RABGAP1L: variants seen among roughly 807,000 people sequenced by gnomAD.
RABGAP1L encodes the protein rab GTPase-activating protein 1-like.
In RABGAP1L, 63 loss-of-function variants were observed where a neutral mutation model predicts 137.7. That is an observed-to-expected ratio of 0.46 (90% CI 0.37 to 0.56). RABGAP1L has a LOEUF of 0.56. RABGAP1L is among the 20% of genes least tolerant of loss of function. The probability of loss-of-function intolerance (pLI) is 0.00; values close to 1 mark genes in which losing one functional copy is unlikely to be tolerated. For synonymous variants in RABGAP1L, 431 were observed against 433.7 expected, an observed-to-expected ratio of 0.99 and a Z score of 0.08; for missense variants, 1,095 against 1,244.0, an observed-to-expected ratio of 0.88 and a Z score of 1.80.
intron 1 of RABGAP1L, among the ~76,000 whole-genome samples, chr1:174,168,022 T>C (rs1374145523): frequency 6.6e-6 from 1 of 152,108 alleles, no homozygotes; most frequent in Non-Finnish European, 1.5e-5. Context: ...CCCAGCACTT[T>C]AGGAGGCCAA....
intron 17 of RABGAP1L, among the ~76,000 whole-genome samples, chr1:174,729,250 A>G (rs1682258512): frequency 6.6e-6 from 1 of 152,190 alleles, no homozygotes; most frequent in Non-Finnish European, 1.5e-5. Flanking sequence ...TCAATAAATG[A>G]TGCTGGGATA....
chr1:174,517,265 AT>A (rs1231986219), intron 13 of RABGAP1L, among the ~76,000 whole-genome samples: 2 of 152,190 alleles, frequency 1.3e-5, no homozygotes, highest in East Asian at 3.8e-4. Context: ...GGAAGTATTT[AT>A]TTCATATGTT....
At position 174,549,983 on chromosome 1, in the gene RABGAP1L, G is replaced by GAGC. The variant is rs200009716; in HGVS notation, c.1711-87391_1711-87390insGCA. On this transcript the variant is annotated intron_variant, in intron 13 of 25. Coordinates refer to ENST00000681986, the MANE Select transcript of RABGAP1L (RefSeq NM_001366446.1). Reference sequence around the variant, plus strand: ...TGAGTTGAAGGCTGCAGTGCACTGTGATCATACTGTAAATAGCTACTACAC... The same window carrying GAGC: ...TGAGTTGAAGGCTGCAGTGCACTGTGAGCATCATACTGTAAATAGCTACTACAC... Among the ~76,000 whole-genome samples the GAGC allele has an allele frequency of 9.5e-3, 1,446 of 152,252 alleles. 24 individuals are homozygous for GAGC. The highest frequency in any genetic ancestry group is 0.033 in the African/African-American group (1,387 of 41,536).
At chr1:174,585,042 GACTT>G (rs1319699513) in intron 13 of RABGAP1L, among the ~76,000 whole-genome samples, 2 of 152,024 alleles carry the variant, frequency 1.3e-5, no homozygotes, top group African/African-American at 4.8e-5. Context: ...ATATTTGAAA[GACTT>G]AGTATTAAAA....
rs761128718 is a variant in RABGAP1L at position 174,829,378 on chromosome 1, G to A, written c.2340+17418G>A. 6.1e-5 allele frequency among the ~76,000 whole-genome samples: 9 copies of A among 148,070 alleles called. 1 individual carries two copies. Among genetic ancestry groups the A allele is most frequent in the Non-Finnish European group, 1.2e-4 (8 of 66,588 alleles). Reference sequence around the variant, plus strand: ...TCTGAATTTTGCTTTTAAGAGTGGTGTTTATTATACTGTGTAGCTTAGAGG... The same window carrying A: ...TCTGAATTTTGCTTTTAAGAGTGGTATTTATTATACTGTGTAGCTTAGAGG... On this transcript the variant is annotated intron_variant, in intron 19 of 25. Coordinates refer to ENST00000681986, the MANE Select transcript of RABGAP1L (RefSeq NM_001366446.1).
At chr1:174,727,224 G>A (rs1015943269) in intron 17 of RABGAP1L, among the ~76,000 whole-genome samples, 3 of 152,200 alleles carry the variant, frequency 2.0e-5, no homozygotes, top group Non-Finnish European at 4.4e-5. Context: ...TCCAGGTTCA[G>A]TGAGTTTCCC....
At chr1:174,580,028 C>A (rs1056933758) in intron 13 of RABGAP1L, among the ~76,000 whole-genome samples, 5 of 152,172 alleles carry the variant, frequency 3.3e-5, no homozygotes, top group Non-Finnish European at 7.3e-5. Flanking sequence ...TCCCAAAGTG[C>A]TGGGATTACA....
chr1:174,914,323 G>T (rs528573375), intron 19 of RABGAP1L, among the ~76,000 whole-genome samples: 112 of 152,250 alleles, frequency 7.4e-4, no homozygotes, highest in African/African-American at 2.2e-3. Flanking sequence ...CATCCCTTCC[G>T]TTTTAGGGGC....
At chr1:174,853,242 T>TTA (rs397951503) in intron 19 of RABGAP1L, among the ~76,000 whole-genome samples, 1 of 151,306 alleles carries the variant, frequency 6.6e-6, no homozygotes, top group African/African-American at 2.4e-5. Context: ...TTTTTTTTTT[T>TTA]AACATCCAGT....
chr1:174,610,105 G>A (rs1343891815), intron 13 of RABGAP1L, among the ~76,000 whole-genome samples: 4 of 149,748 alleles, frequency 2.7e-5, no homozygotes, highest in Admixed American at 6.7e-5. Context: ...TGGACAATGT[G>A]CAGGTTAGTT....
At chr1:174,174,972 A>G (rs1246018803) in intron 1 of RABGAP1L, among the ~76,000 whole-genome samples, 1 of 152,244 alleles carries the variant, frequency 6.6e-6, no homozygotes, top group Admixed American at 6.5e-5. Flanking sequence ...GTTGACAACT[A>G]AAACTAGCTA....
At chr1:174,365,986 G>A (rs1016023739) in intron 11 of RABGAP1L, among the ~76,000 whole-genome samples, 15 of 151,994 alleles carry the variant, frequency 9.9e-5, no homozygotes, top group African/African-American at 3.4e-4. Flanking sequence ...AAACAACAAG[G>A]TTACAATGTA....
At chr1:174,941,710 C>A (rs1235299254) in intron 19 of RABGAP1L, among the ~76,000 whole-genome samples, 2 of 151,998 alleles carry the variant, frequency 1.3e-5, no homozygotes, top group Non-Finnish European at 2.9e-5. Flanking sequence ...CAAAACAAAA[C>A]AAAACAAAAC....
chr1:174,867,446 A>G (rs1345122738), intron 19 of RABGAP1L, among the ~76,000 whole-genome samples: 1 of 152,214 alleles, frequency 6.6e-6, no homozygotes, highest in African/African-American at 2.4e-5. Context: ...AAATACTAAG[A>G]TAAGAGAAAT....
At chr1:174,275,753 A>T in intron 8 of RABGAP1L, 80 bp from the exon 9 acceptor site, 2 of 1,004,470 alleles carry the variant, frequency 2.0e-6, no homozygotes, top group Non-Finnish European at 3.0e-6. Context: ...AATAATTTGT[A>T]TTGCTTAAAG....
intron 13 of RABGAP1L, among the ~76,000 whole-genome samples, chr1:174,559,712 A>G (rs901298343): frequency 6.6e-6 from 1 of 152,218 alleles, no homozygotes; most frequent in African/African-American, 2.4e-5. Context: ...TGAAGTCCTC[A>G]TGATGAGAAA....
intron 18 of RABGAP1L, among the ~76,000 whole-genome samples, chr1:174,781,268 G>C (rs1686980848): frequency 6.6e-6 from 1 of 152,172 alleles, no homozygotes; most frequent in Non-Finnish European, 1.5e-5. Flanking sequence ...CATTCTAACT[G>C]GTGTGAGATG....
chr1:174,664,595 A>G (rs529364249), intron 14 of RABGAP1L, among the ~76,000 whole-genome samples: 54 of 152,254 alleles, frequency 3.5e-4, no homozygotes, highest in African/African-American at 1.2e-3. Context: ...ACAACTTAGG[A>G]AATATTACCA....
chr1:174,689,631 T>C (rs996662949), intron 15 of RABGAP1L, among the ~76,000 whole-genome samples: 18 of 152,184 alleles, frequency 1.2e-4, no homozygotes, highest in African/African-American at 4.3e-4. Context: ...TATTTTTTGC[T>C]ACCTCGTTTA....
Sources: allele counts gnomAD v4.1 joint callset (sites outside exome capture counted in the v4.1 genomes callset), GRCh38; gene constraint gnomAD v4.1.1; transcripts MANE v1.5; gene names NCBI Gene and HGNC (gene_info 2026-07-23, HGNC 2026-07-21).